Variants in LPP observed in about 807,000 individuals in gnomAD.
LPP encodes the protein LIM domain containing preferred translocation partner in lipoma.
A neutral mutation model predicts 60.4 loss-of-function variants in LPP; 38 were observed. The observed-to-expected ratio is 0.63, with a 90% confidence interval of 0.49 to 0.83. The LOEUF is 0.83. Ranked by LOEUF, LPP falls within the 40% of genes least tolerant of loss-of-function variation. The pLI is 0.00. For missense variants in LPP, 902 were observed against 783.6 expected (o/e 1.15, Z -1.80); for synonymous variants, 328 against 290.8 (o/e 1.13, Z -1.30).
At chr3:188,247,158 A>G in intron 2 of LPP, 1 of 985,036 alleles carries the variant, frequency 1.0e-6, no homozygotes, top group Non-Finnish European at 1.2e-6. Flanking sequence ...AAGGCAAGGA[A>G]CTGTCCAGAA....
Position 188,179,094 on chromosome 3 carries a change from C to CAGAGAGAG in LPP, c.-190+24857_-190+24864dup, listed in dbSNP as rs151265768. ...AGCAAGAGAGAGGGAGGGAGAGAGA[C>CAGAGAGAG]AGAGAGAGAGAGAGAGAGAGAGGTT... On this transcript the variant is annotated intron_variant, in intron 1 of 11. Coordinates refer to ENST00000617246, the MANE Select transcript of LPP (RefSeq NM_001375462.1). 5.5e-3 allele frequency: 1,455 copies of CAGAGAGAG among 264,812 alleles called. 47 individuals are homozygous for CAGAGAGAG. The highest frequency in any genetic ancestry group is 8.6e-3 in the Non-Finnish European group (1,137 of 131,672). The allele number at this position is 264,812 out of a possible 1,614,324, so 16.4% of individuals were successfully genotyped here.
rs938594815 is a variant in LPP, at chr3:188,801,110, G to T, written c.1410+40828G>T. On this transcript the variant is annotated intron_variant, in intron 9 of 11. Transcript: ENST00000617246. ...AATTATTACCTGCATTTCATGTTGG[G>T]CTTTGTGCTTGAGATTAAACAAAGG... Among the ~76,000 whole-genome samples the T allele has an allele frequency of 7.9e-5, 12 of 152,028 alleles. No individual in the cohort carries two copies. The East Asian group carries it at 2.3e-3, about 29-fold the overall frequency.
rs546310225 is a variant in LPP, at chr3:188,612,437, C to T, written c.1113+2593C>T. Among the ~76,000 whole-genome samples, 12 of 152,286 alleles carry T rather than the reference C, an allele frequency of 7.9e-5. No homozygotes were observed. The South Asian group carries it at 1.9e-3, about 24-fold the overall frequency. On this transcript the variant is annotated intron_variant, in intron 7 of 11. Coordinates refer to ENST00000617246, the MANE Select transcript of LPP (RefSeq NM_001375462.1). ...ACTGTTTGGCTTAATTATGTGACTA[C>T]GGGCATGAGAAATGAGCTCCGAATT...
At chr3:188,598,869 C>T (rs796415929) in intron 6 of LPP, among the ~76,000 whole-genome samples, 5 of 152,270 alleles carry the variant, frequency 3.3e-5, no homozygotes, top group African/African-American at 1.2e-4. Context: ...CTGTAATATT[C>T]CCACTGGGAT....
chr3:188,323,373 C>T (rs1311868215), intron 2 of LPP, among the ~76,000 whole-genome samples: 3 of 152,134 alleles, frequency 2.0e-5, no homozygotes, highest in African/African-American at 7.2e-5. Flanking sequence ...ACTAACCTTT[C>T]TTACTTGTCA....
intron 7 of LPP, among the ~76,000 whole-genome samples, chr3:188,636,245 A>T (rs961805473): frequency 6.6e-6 from 1 of 152,184 alleles, no homozygotes; most frequent in African/African-American, 2.4e-5. Context: ...CTCACTCGGG[A>T]AGCGCAAGGG....
chr3:188,464,216 A>C (rs1799805860), intron 4 of LPP, among the ~76,000 whole-genome samples: 1 of 152,170 alleles, frequency 6.6e-6, no homozygotes, highest in Non-Finnish European at 1.5e-5. Context: ...TTATAGCAAA[A>C]TATTTTTTGG....
chr3:188,397,815 T>C (rs1781326350), intron 3 of LPP, among the ~76,000 whole-genome samples: 3 of 152,226 alleles, frequency 2.0e-5, no homozygotes, highest in South Asian at 2.1e-4. Flanking sequence ...GGTTTCAACA[T>C]GTTGGCCATG....
rs148573658 is a variant in LPP at position 188,765,963 on chromosome 3, C to T, written c.1410+5681C>T. Reference sequence around the variant, plus strand: ...TTGGCTCACTGCAATCTCCACCTCCCGGATTCAAGCAATTCTCCTGCCTTA... The same window carrying T: ...TTGGCTCACTGCAATCTCCACCTCCTGGATTCAAGCAATTCTCCTGCCTTA... On this transcript the variant is annotated intron_variant, in intron 9 of 11. Transcript: ENST00000617246. Among the ~76,000 whole-genome samples, 77 of 149,010 alleles carry T rather than the reference C, an allele frequency of 5.2e-4. 1 individual carries two copies. Among genetic ancestry groups the T allele is most frequent in the African/African-American group, 1.8e-3 (74 of 40,518 alleles).
At position 188,886,318 on chromosome 3, in the gene LPP, TAA is replaced by T. The variant is rs544624721; in HGVS notation, c.*11850_*11851del. 1.0e-4 allele frequency: 16 copies of T among 153,888 alleles called. No individual in the cohort carries two copies. The highest frequency in any genetic ancestry group is 1.4e-4 in the Admixed American group (2 of 13,930). The allele number at this position is 153,888 out of a possible 1,614,324, so 9.5% of individuals were successfully genotyped here. ...AAGTATAATAATAATGAAATAAAAT[TAA>T]AAAAAAAAAAGAAAAGTGCCTCACC... On this transcript the variant is annotated 3_prime_UTR_variant, in exon 12 of 12. Coordinates refer to ENST00000617246, the MANE Select transcript of LPP (RefSeq NM_001375462.1).
chr3:188,644,601 T>C (rs1850764184), intron 7 of LPP, among the ~76,000 whole-genome samples: 1 of 152,196 alleles, frequency 6.6e-6, no homozygotes, highest in South Asian at 2.1e-4. Flanking sequence ...GAAATTCATC[T>C]ATTATTTATT....
chr3:188,676,658 C>T (rs1560049620), intron 7 of LPP, among the ~76,000 whole-genome samples: 1 of 152,106 alleles, frequency 6.6e-6, no homozygotes, highest in African/African-American at 2.4e-5. Flanking sequence ...ATGAAGGCCC[C>T]TCTCCTGCAT....
intron 8 of LPP, among the ~76,000 whole-genome samples, chr3:188,732,017 G>A (rs912050179): frequency 6.6e-6 from 1 of 152,178 alleles, no homozygotes; most frequent in Non-Finnish European, 1.5e-5. Flanking sequence ...AAGAAAAGAG[G>A]CCAGGAGGAA....
rs1297129667 is a variant in LPP at position 188,881,522 on chromosome 3, G to A, written c.*7043G>A. 2 of 214,516 alleles carry A rather than the reference G, an allele frequency of 9.3e-6. No homozygotes were observed. The highest frequency in any genetic ancestry group is 4.5e-5 in the African/African-American group (2 of 44,388). The allele number at this position is 214,516 out of a possible 1,614,324, so 13.3% of individuals were successfully genotyped here. ...TTTAGGGTTGAAAGTAAACGAAATT[G>A]GAATCACCCAAAGAGAATTTCCCCA... On this transcript the variant is annotated 3_prime_UTR_variant, in exon 12 of 12. Coordinates refer to ENST00000617246, the MANE Select transcript of LPP (RefSeq NM_001375462.1).
At chr3:188,585,052 A>G (rs1468379927) in intron 6 of LPP, among the ~76,000 whole-genome samples, 1 of 152,176 alleles carries the variant, frequency 6.6e-6, no homozygotes, top group Non-Finnish European at 1.5e-5. Flanking sequence ...ACTGGCAAGT[A>G]TTGGTGAAGT....
At chr3:188,573,539 A>G (rs1833970187) in intron 6 of LPP, among the ~76,000 whole-genome samples, 1 of 152,106 alleles carries the variant, frequency 6.6e-6, no homozygotes, top group Non-Finnish European at 1.5e-5. Context: ...GTTTCGGTAG[A>G]TACTTCCTCC....
chr3:188,222,807 C>T (rs1716293579), intron 1 of LPP, among the ~76,000 whole-genome samples: 1 of 152,152 alleles, frequency 6.6e-6, no homozygotes, highest in South Asian at 2.1e-4. Flanking sequence ...GCTCCTTTAA[C>T]TGTACTCATT....
intron 9 of LPP, among the ~76,000 whole-genome samples, chr3:188,769,993 C>T (rs1344634221): frequency 6.6e-6 from 1 of 152,096 alleles, no homozygotes; most frequent in Non-Finnish European, 1.5e-5. Context: ...GGATGAATGT[C>T]AGCATCAGGC....
intron 8 of LPP, among the ~76,000 whole-genome samples, chr3:188,750,399 G>C (rs112374777): frequency 6.6e-6 from 1 of 152,170 alleles, no homozygotes; most frequent in Non-Finnish European, 1.5e-5. Flanking sequence ...GGGAGGCCGA[G>C]ATGGGTGGAT....
Sources: gnomAD v4.1 joint callset for allele counts (sites outside exome capture counted in the v4.1 genomes callset) on GRCh38, gnomAD v4.1.1 for gene constraint, MANE v1.5 for transcripts, NCBI Gene and HGNC (gene_info 2026-07-23, HGNC 2026-07-21) for gene names.